The following MAG variants were observed in gnomAD, a reference collection of about 807,000 sequenced individuals.
The protein encoded by MAG is myelin associated glycoprotein.
A neutral mutation model predicts 60.7 loss-of-function variants in MAG; 30 were observed. The observed-to-expected ratio is 0.49, with a 90% CI of 0.37 to 0.67. The LOEUF is 0.67. Ranked by LOEUF, MAG falls within the 30% of genes least tolerant of loss-of-function variation. The pLI, the probability that MAG is intolerant of heterozygous loss-of-function variation, is 0.00. For synonymous variants in MAG, 384 were observed against 376.8 expected (o/e 1.02, Z -0.22); for missense variants, 795 against 851.7 (o/e 0.93, Z 0.83).
At chr19:35,313,022 A>G (rs2066539967) in intron 10 of MAG, among the ~76,000 whole-genome samples, 2 of 152,152 alleles carry the variant, frequency 1.3e-5, no homozygotes, top group Admixed American at 6.5e-5. Flanking sequence ...CTGGGTCTCA[A>G]AGAAAAAGAA....
chr19:35,307,030 G>A (rs578207391), intron 7 of MAG, among the ~76,000 whole-genome samples: 7 of 152,362 alleles, frequency 4.6e-5, no homozygotes, highest in East Asian at 1.9e-4. Context: ...CACGTGCACC[G>A]GCAGGGTGTC....
intron 7 of MAG, 141 bp downstream of exon 7, chr19:35,302,849 G>A (rs1452946843): frequency 1.0e-6 from 1 of 970,042 alleles, no homozygotes; most frequent in Non-Finnish European, 1.5e-6. Context: ...CAGGGAAGCT[G>A]AATTCACAGC....
rs1194788641 is a variant in MAG, at chr19:35,299,875, G to T, written c.712+25G>T. The T allele has an allele frequency of 1.9e-5, 18 of 956,322 alleles. No homozygotes were observed. In the East Asian group the frequency reaches 4.5e-4, roughly 24 times the overall value. The allele number at this position is 956,322 out of a possible 1,614,324, so 59.2% of individuals were successfully genotyped here. Reference sequence around the variant, plus strand: ...TGTGAGCCTGGGTGCGGGCGGGGCGGGGTGGGGCGGGGTGGGGCGGGGTCC... The same window carrying T: ...TGTGAGCCTGGGTGCGGGCGGGGCGTGGTGGGGCGGGGTGGGGCGGGGTCC... On this transcript the variant is annotated intron_variant, in intron 5 of 10. Coordinates refer to ENST00000392213, the MANE Select transcript of MAG (RefSeq NM_002361.4).
chr19:35,298,968 CACAT>C (rs2066424683), intron 4 of MAG, among the ~76,000 whole-genome samples: 1 of 150,968 alleles, frequency 6.6e-6, no homozygotes, highest in Admixed American at 6.6e-5. Context: ...ACACACTACA[CACAT>C]ACATCACAAA....
In MAG at chr19:35,295,530, C is replaced by T. The variant is rs888206774; in HGVS notation, c.46+76C>T. Reference sequence around the variant, plus strand: ...TTGGAGGTGGGTCCCCGCAGCCCCCCGGCATGTGGTTGGGGATGGGAGCCG... The same window carrying T: ...TTGGAGGTGGGTCCCCGCAGCCCCCTGGCATGTGGTTGGGGATGGGAGCCG... On this transcript the variant is annotated intron_variant, in intron 3 of 10. Coordinates refer to ENST00000392213, the MANE Select transcript of MAG (RefSeq NM_002361.4). The surrounding 1 kb of genome is among the most constrained non-coding windows in gnomAD (Gnocchi z 5.8). 56 of 1,606,510 alleles carry T rather than the reference C, an allele frequency of 3.5e-5. No individual in the cohort carries two copies. Among genetic ancestry groups the T allele is most frequent in the Middle Eastern group, 3.7e-4 (2 of 5,476 alleles).
At position 35,295,624 on chromosome 19, in the gene MAG, G is replaced by A. The variant is rs761655490; in HGVS notation, c.58G>A (p.Gly20Ser). ...FWIMISASRGGHWGAWMPSSI... is the reference protein window; with the variant it reads ...FWIMISASRGSHWGAWMPSSI... ...CTGCTTGCCCGCAGCCTCCCGAGGG[G>A]GTCACTGGGGTGCCTGGATGCCCTC... Residue 20 changes from glycine (G) to serine (S), a missense_variant, in exon 4 of 11, where the codon GGT (glycine) becomes AGT (serine). Transcript: ENST00000392213. The surrounding 1 kb of genome is among the most constrained non-coding windows in gnomAD (Gnocchi z 5.8). 1.2e-6 allele frequency: 2 copies of A among 1,606,462 alleles called. No individual in the cohort carries two copies. The highest frequency in any genetic ancestry group is 1.7e-5 in the Admixed American group (1 of 59,738).
intron 4 of MAG, among the ~76,000 whole-genome samples, chr19:35,297,993 C>CACACTTCAT (rs1185413119): frequency 1.3e-5 from 2 of 149,114 alleles, no homozygotes; most frequent in Non-Finnish European, 3.0e-5. Flanking sequence ...CCACACACCA[C>CACACTTCAT]ACACTGCACA....
intron 2 of MAG, among the ~76,000 whole-genome samples, chr19:35,294,663 C>T (rs1039529175): frequency 2.0e-5 from 3 of 152,324 alleles, no homozygotes; most frequent in Admixed American, 2.0e-4. Flanking sequence ...TGCCTGTAAT[C>T]CCAACACTTT....
chr19:35,304,111 G>A (rs1270434196), intron 7 of MAG, among the ~76,000 whole-genome samples: 2 of 152,210 alleles, frequency 1.3e-5, no homozygotes, highest in African/African-American at 4.8e-5. Context: ...GTACATGGCA[G>A]ATACAGGTTA....
intron 7 of MAG, among the ~76,000 whole-genome samples, chr19:35,308,351 G>A (rs995542084): frequency 3.9e-5 from 6 of 152,244 alleles, no homozygotes; most frequent in African/African-American, 7.2e-5. Flanking sequence ...GCAAGGAACC[G>A]GTGTGGCTGG....
chr19:35,306,835 AG>A (rs2066489369), intron 7 of MAG, among the ~76,000 whole-genome samples: 1 of 152,230 alleles, frequency 6.6e-6, no homozygotes, highest in African/African-American at 2.4e-5. Context: ...TGCACAGATG[AG>A]AACTCCATCC....
intron 5 of MAG, 38 bp from the exon 6 acceptor site, chr19:35,300,109 G>A (rs2066436892): frequency 2.0e-6 from 3 of 1,502,852 alleles, no homozygotes; most frequent in South Asian, 2.6e-5. Context: ...CGGTTCCCCA[G>A]CACCTGCTCA....
intron 2 of MAG, 121 bp downstream of exon 2, chr19:35,294,411 A>T (rs1021155457): frequency 2.5e-6 from 1 of 398,104 alleles, no homozygotes; most frequent in Non-Finnish European, 4.9e-6. Flanking sequence ...AAAGATAATG[A>T]TCAGCACATC....
chr19:35,299,853 G>A lies in MAG; in HGVS notation c.712+3G>A. The A allele has an allele frequency of 7.1e-7, 1 of 1,411,898 alleles. No individual in the cohort carries two copies. Among genetic ancestry groups the A allele is most frequent in the South Asian group, 1.5e-5 (1 of 66,844 alleles). The allele number at this position is 1,411,898 out of a possible 1,614,324, so 87.5% of individuals were successfully genotyped here. A position where few individuals can be genotyped will look rare whatever the true frequency, so the allele number is the denominator to read the frequency against. On this transcript the variant is annotated splice_donor_region_variant and intron_variant, in intron 5 of 10. Coordinates refer to ENST00000392213, the MANE Select transcript of MAG (RefSeq NM_002361.4). ...CTACGCCAGCATGGACGTCAAGTGT[G>A]AGCCTGGGTGCGGGCGGGGCGGGGT...
intron 7 of MAG, among the ~76,000 whole-genome samples, chr19:35,308,544 G>A (rs2066501557): frequency 6.6e-6 from 1 of 152,010 alleles, no homozygotes; most frequent in Admixed American, 6.6e-5. Context: ...CCAGCATGGG[G>A]AACATAGCAA....
intron 10 of MAG, 118 bp downstream of exon 10, chr19:35,312,135 G>A: frequency 4.7e-6 from 6 of 1,263,568 alleles, no homozygotes; most frequent in Non-Finnish European, 7.0e-6. Context: ...CAGGAGGAGA[G>A]GAAGGACATT....
chr19:35,300,115 G>T, intron 5 of MAG, 32 bp from the exon 6 acceptor site: 1 of 1,507,394 alleles, frequency 6.6e-7, no homozygotes. Flanking sequence ...CCCAGCACCT[G>T]CTCACTAACC....
At chr19:35,305,841 G>A (rs973153866) in intron 7 of MAG, among the ~76,000 whole-genome samples, 12 of 152,234 alleles carry the variant, frequency 7.9e-5, no homozygotes, top group Non-Finnish European at 1.6e-4. Flanking sequence ...TGCAGTTCCA[G>A]CTACTCAGGA....
chr19:35,298,997 C>T (rs1258305117), intron 4 of MAG, among the ~76,000 whole-genome samples: 1 of 150,842 alleles, frequency 6.6e-6, no homozygotes, highest in Middle Eastern at 3.2e-3. Context: ...CCACATACTA[C>T]ACAAACCACA....
Sources: allele counts gnomAD v4.1 joint callset (sites outside exome capture counted in the v4.1 genomes callset), GRCh38; gene constraint gnomAD v4.1.1; non-coding constraint Gnocchi (gnomAD v3.1); transcripts MANE v1.5; gene names NCBI Gene and HGNC (gene_info 2026-07-23, HGNC 2026-07-21).